SH3GL2: variants seen among roughly 807,000 people sequenced by gnomAD.
The protein encoded by SH3GL2 is SH3 domain containing GRB2 like 2, endophilin A1.
SH3GL2 carries 24 observed loss-of-function variants against 46.0 expected under a neutral mutation model. The observed-to-expected ratio is 0.52, with a 90% confidence interval of 0.38 to 0.73. SH3GL2 has a LOEUF of 0.73. Among genes scored for constraint, SH3GL2 ranks in the 30% least tolerant of loss-of-function variants. The probability of loss-of-function intolerance (pLI) is 0.00; values close to 1 mark genes in which losing one functional copy is unlikely to be tolerated. For missense variants in SH3GL2, 413 were observed against 424.2 expected, an observed-to-expected ratio of 0.97 and a Z score of 0.23; for synonymous variants, 196 against 147.1, an observed-to-expected ratio of 1.33 and a Z score of -2.40.
At chr9:17,684,006 T>C (rs1283909763) in intron 1 of SH3GL2, among the ~76,000 whole-genome samples, 1 of 152,090 alleles carries the variant, frequency 6.6e-6, no homozygotes, top group Non-Finnish European at 1.5e-5. Flanking sequence ...TCAGTCTCTA[T>C]AGTTCTGCAC....
intron 1 of SH3GL2, among the ~76,000 whole-genome samples, chr9:17,640,787 G>C (rs1025700492): frequency 2.6e-5 from 4 of 152,192 alleles, no homozygotes; most frequent in African/African-American, 9.7e-5. Flanking sequence ...CTATGTCCTT[G>C]AAATGGAGAC....
intron 1 of SH3GL2, among the ~76,000 whole-genome samples, chr9:17,722,171 G>A (rs1397139978): frequency 6.6e-6 from 1 of 152,080 alleles, no homozygotes; most frequent in East Asian, 1.9e-4. Context: ...TACCCAGGAA[G>A]TGTGGCTTTT....
intron 1 of SH3GL2, among the ~76,000 whole-genome samples, chr9:17,624,377 G>T (rs1194961698): frequency 6.6e-6 from 1 of 152,164 alleles, no homozygotes; most frequent in Non-Finnish European, 1.5e-5. Flanking sequence ...CTCAAAGTCA[G>T]TGCAAGATTT....
chr9:17,681,272 A>G (rs1346456219), intron 1 of SH3GL2, among the ~76,000 whole-genome samples: 1 of 152,200 alleles, frequency 6.6e-6, no homozygotes, highest in African/African-American at 2.4e-5. Flanking sequence ...GAGTCTAATC[A>G]GTATGTGGTG....
At chr9:17,756,118 A>G (rs1332666990) in intron 2 of SH3GL2, among the ~76,000 whole-genome samples, 2 of 152,180 alleles carry the variant, frequency 1.3e-5, no homozygotes, top group African/African-American at 2.4e-5. Context: ...GTTTAAATGA[A>G]TAAGTATGGC....
chr9:17,769,196 C>G (rs1466219585), intron 3 of SH3GL2, among the ~76,000 whole-genome samples: 1 of 152,190 alleles, frequency 6.6e-6, no homozygotes, highest in Non-Finnish European at 1.5e-5. Flanking sequence ...GCATTTAGCA[C>G]CACTTCAGAT....
chr9:17,633,884 A>G (rs1309822434), intron 1 of SH3GL2, among the ~76,000 whole-genome samples: 2 of 152,192 alleles, frequency 1.3e-5, no homozygotes. Context: ...GGAAGCTAAA[A>G]GTTTTGAGTT....
intron 1 of SH3GL2, among the ~76,000 whole-genome samples, chr9:17,680,564 T>A (rs1820741002): frequency 6.6e-6 from 1 of 152,118 alleles, no homozygotes; most frequent in Non-Finnish European, 1.5e-5. Context: ...ATTTTGTTGA[T>A]CTTTTCAAAA....
chr9:17,744,472 T>A (rs944968815), intron 1 of SH3GL2, among the ~76,000 whole-genome samples: 25 of 152,144 alleles, frequency 1.6e-4, no homozygotes, highest in African/African-American at 6.0e-4. Context: ...CTCAAGCAAT[T>A]CTTTCACCTC....
chr9:17,731,418 G>C lies in SH3GL2; in HGVS notation c.46-15648G>C, dbSNP rs113030346. On this transcript the variant is annotated intron_variant, in intron 1 of 8. Coordinates refer to ENST00000380607, the MANE Select transcript of SH3GL2 (RefSeq NM_003026.5). The stretch of plus-strand genomic sequence containing the variant: ...AAAGGGAGGGAGGTGGGGGGAGGTA[G>C]GGAAGAGAGAGAGAGAGAAAGAGAG... 2.9e-3 allele frequency among the ~76,000 whole-genome samples: 437 copies of C among 151,326 alleles called. 8 individuals are homozygous for C. The highest frequency in any genetic ancestry group is 9.7e-3 in the African/African-American group (398 of 41,126).
In SH3GL2 at chr9:17,579,255, G is replaced by C. The variant is rs1818227075; in HGVS notation, c.13G>C (p.Gly5Arg). 3 of 1,565,906 alleles carry C rather than the reference G, an allele frequency of 1.9e-6. No individual in the cohort carries two copies. The highest frequency in any genetic ancestry group is 2.6e-6 in the Non-Finnish European group (3 of 1,157,462). Residue 5 changes from glycine (G) to arginine (R), a missense_variant, in exon 1 of 9, where the codon GGC becomes CGC. By Grantham distance (125) the Gly-to-Arg change is moderately radical. Transcript: ENST00000380607. ...GGCCTCCTGCACCATGTCGGTGGCC[G>C]GCCTCAAGAAGCAGTTCCATAAAGC... MSVA[G>R]LKKQFHKATQ...
At chr9:17,724,105 A>G (rs892152479) in intron 1 of SH3GL2, among the ~76,000 whole-genome samples, 2 of 151,624 alleles carry the variant, frequency 1.3e-5, no homozygotes, top group Non-Finnish European at 2.9e-5. Context: ...TCCTTCTTGT[A>G]TTTTGATTAT....
intron 1 of SH3GL2, among the ~76,000 whole-genome samples, chr9:17,714,240 A>G (rs773803236): frequency 1.3e-5 from 2 of 151,662 alleles, no homozygotes; most frequent in African/African-American, 2.4e-5. Context: ...ACCTATTAGT[A>G]TCTTTGTGTT....
chr9:17,758,561 C>CA (rs57019804), intron 2 of SH3GL2, among the ~76,000 whole-genome samples: 931 of 29,144 alleles, frequency 0.032, 189 homozygotes, highest in Admixed American at 0.082. Flanking sequence ...GACCCTGTCT[C>CA]AAAAAAAAAA....
Position 17,601,026 on chromosome 9 carries a change from C to T in SH3GL2, c.45+21739C>T, listed in dbSNP as rs114367713. On this transcript the variant is annotated intron_variant, in intron 1 of 8. Coordinates refer to ENST00000380607, the MANE Select transcript of SH3GL2 (RefSeq NM_003026.5). ...AATCACTGTGATCCCCTCCCTTGGT[C>T]AGTGTGTCCCTCAGCATTCTTAACC... 5.8e-3 allele frequency among the ~76,000 whole-genome samples: 879 copies of T among 152,248 alleles called. 10 individuals carry two copies. The highest frequency in any genetic ancestry group is 0.021 in the African/African-American group (857 of 41,544).
intron 1 of SH3GL2, among the ~76,000 whole-genome samples, chr9:17,733,173 A>C (rs1003628689): frequency 2.2e-4 from 33 of 152,134 alleles, no homozygotes; most frequent in African/African-American, 8.0e-4. Flanking sequence ...TCAGAAATAT[A>C]ATCCTTCATT....
intron 1 of SH3GL2, among the ~76,000 whole-genome samples, chr9:17,678,950 G>A (rs1380198722): frequency 6.6e-6 from 1 of 152,084 alleles, no homozygotes; most frequent in Non-Finnish European, 1.5e-5. Context: ...GTAGATGTGT[G>A]ATATTATTTC....
chr9:17,707,396 C>G (rs938541003), intron 1 of SH3GL2, among the ~76,000 whole-genome samples: 1 of 152,018 alleles, frequency 6.6e-6, no homozygotes, highest in East Asian at 1.9e-4. Flanking sequence ...TCAACTCTCT[C>G]TAGGGCTGTC....
intron 1 of SH3GL2, among the ~76,000 whole-genome samples, chr9:17,686,806 G>A (rs1820923672): frequency 8.0e-6 from 1 of 125,584 alleles, no homozygotes; most frequent in Admixed American, 8.7e-5. Context: ...GGGGGAGGGG[G>A]GAGGGTTAGC....
Sources: allele counts gnomAD v4.1 joint callset (sites outside exome capture counted in the v4.1 genomes callset), GRCh38; gene constraint gnomAD v4.1.1; transcripts MANE v1.5; gene names NCBI Gene and HGNC (gene_info 2026-07-23, HGNC 2026-07-21).